Variants in MACROD2 observed in about 807,000 individuals in gnomAD.
MACROD2 encodes the protein mono-ADP ribosylhydrolase 2, also known as ADP-ribose glycohydrolase MACROD2.
MACROD2 carries 36 observed loss-of-function variants against 70.4 expected under a neutral mutation model. The ratio of observed to expected loss-of-function variants is 0.51; its 90% CI spans 0.39 to 0.68. MACROD2 has a LOEUF of 0.68. Ranked by LOEUF, MACROD2 falls within the 30% of genes least tolerant of loss-of-function variation. The pLI is 0.00. For synonymous variants in MACROD2, 172 were observed against 178.8 expected, an observed-to-expected ratio of 0.96 and a Z score of 0.30; for missense variants, 496 against 538.4, an observed-to-expected ratio of 0.92 and a Z score of 0.78.
At chr20:15,156,731 C>A (rs984905456) in intron 5 of MACROD2, among the ~76,000 whole-genome samples, 2 of 152,118 alleles carry the variant, frequency 1.3e-5, no homozygotes, top group Admixed American at 6.6e-5. Flanking sequence ...AGTCAAGGGT[C>A]TTCAGAGGAA....
intron 6 of MACROD2, among the ~76,000 whole-genome samples, chr20:15,317,665 C>T (rs2077828178): frequency 6.6e-6 from 1 of 151,884 alleles, no homozygotes; most frequent in Non-Finnish European, 1.5e-5. Flanking sequence ...GTCTGGCAGG[C>T]TTCAGACTCA....
intron 4 of MACROD2, among the ~76,000 whole-genome samples, chr20:14,658,290 G>T (rs1420903544): frequency 1.3e-5 from 2 of 152,110 alleles, no homozygotes; most frequent in African/African-American, 4.8e-5. Context: ...ATCAGGTTTA[G>T]CCATAGCATG....
At chr20:15,488,298 G>A (rs2047186310) in intron 7 of MACROD2, among the ~76,000 whole-genome samples, 2 of 152,156 alleles carry the variant, frequency 1.3e-5, no homozygotes, top group African/African-American at 4.8e-5. Context: ...AATCACTGCA[G>A]GATGCTAGGC....
At chr20:15,524,919 A>C (rs1031466393) in intron 8 of MACROD2, among the ~76,000 whole-genome samples, 2 of 152,218 alleles carry the variant, frequency 1.3e-5, no homozygotes, top group African/African-American at 2.4e-5. Flanking sequence ...CTGAGGTTCT[A>C]CTGAATAGTC....
At chr20:14,797,108 G>A (rs1319517151) in intron 5 of MACROD2, among the ~76,000 whole-genome samples, 4 of 151,824 alleles carry the variant, frequency 2.6e-5, no homozygotes, top group South Asian at 2.1e-4. Flanking sequence ...CAGTCTGTCC[G>A]TGTTACTCTC....
intron 3 of MACROD2, among the ~76,000 whole-genome samples, chr20:14,402,155 A>C (rs2083644350): frequency 6.6e-6 from 1 of 152,184 alleles, no homozygotes; most frequent in African/African-American, 2.4e-5. Flanking sequence ...TCTCATGCTC[A>C]GTGTCTTCTG....
At chr20:15,561,004 A>G (rs2146606628) in intron 8 of MACROD2, among the ~76,000 whole-genome samples, 1 of 152,232 alleles carries the variant, frequency 6.6e-6, no homozygotes, top group African/African-American at 2.4e-5. Flanking sequence ...TTGCCCAAAC[A>G]AAGGAGAAAT....
chr20:16,020,928 A>G (rs2066993061), intron 15 of MACROD2, among the ~76,000 whole-genome samples: 1 of 152,198 alleles, frequency 6.6e-6, no homozygotes, highest in Admixed American at 6.5e-5. Flanking sequence ...AAGGAAGCAC[A>G]GTGTTTGAAG....
intron 15 of MACROD2, among the ~76,000 whole-genome samples, chr20:16,036,114 T>C (rs1257742245): frequency 2.0e-5 from 3 of 152,030 alleles, no homozygotes; most frequent in Non-Finnish European, 4.4e-5. Flanking sequence ...TTGCTTTCGG[T>C]TGATACCACT....
At chr20:15,566,651 G>A (rs995453164) in intron 8 of MACROD2, among the ~76,000 whole-genome samples, 3 of 152,144 alleles carry the variant, frequency 2.0e-5, no homozygotes, top group Non-Finnish European at 2.9e-5. Context: ...AAAAGAAGAA[G>A]AAAAGCTCTT....
At chr20:14,977,203 T>C (rs1400846394) in intron 5 of MACROD2, among the ~76,000 whole-genome samples, 1 of 151,836 alleles carries the variant, frequency 6.6e-6, no homozygotes, top group African/African-American at 2.4e-5. Context: ...GTAATCATAA[T>C]AACCTTCCCT....
intron 4 of MACROD2, among the ~76,000 whole-genome samples, chr20:14,683,806 C>G (rs981303741): frequency 1.3e-5 from 2 of 152,100 alleles, no homozygotes; most frequent in Non-Finnish European, 2.9e-5. Flanking sequence ...AATATTCTAT[C>G]TATTTTCACA....
chr20:14,310,514 A>G (rs999405840), intron 3 of MACROD2, among the ~76,000 whole-genome samples: 1 of 152,206 alleles, frequency 6.6e-6, no homozygotes, highest in Middle Eastern at 3.2e-3. Flanking sequence ...CAAACCTACC[A>G]TGCTGCCAGG....
chr20:14,375,121 T>G (rs995898555), intron 3 of MACROD2, among the ~76,000 whole-genome samples: 1 of 152,116 alleles, frequency 6.6e-6, no homozygotes, highest in Non-Finnish European at 1.5e-5. Context: ...AAAGAAACTA[T>G]TTTACAGTGA....
intron 4 of MACROD2, among the ~76,000 whole-genome samples, chr20:14,544,185 T>C (rs1287022739): frequency 6.6e-6 from 1 of 152,160 alleles, no homozygotes; most frequent in Non-Finnish European, 1.5e-5. Flanking sequence ...GATAAATATA[T>C]TCTTGGATAT....
At chr20:15,698,365 T>C (rs6043456) in intron 8 of MACROD2, among the ~76,000 whole-genome samples, 32,018 of 152,128 alleles carry the variant, frequency 0.21, 4,730 homozygotes, top group African/African-American at 0.42. Flanking sequence ...AATTCTTGAC[T>C]GATAATTGTT....
intron 8 of MACROD2, among the ~76,000 whole-genome samples, chr20:15,818,787 G>A (rs1225769977): frequency 6.6e-6 from 1 of 152,114 alleles, no homozygotes; most frequent in Non-Finnish European, 1.5e-5. Context: ...AGTGCCCTGT[G>A]CTAATAGATT....
chr20:14,945,245 G>A (rs569736756), intron 5 of MACROD2, among the ~76,000 whole-genome samples: 19 of 152,012 alleles, frequency 1.2e-4, no homozygotes, highest in African/African-American at 4.6e-4. Flanking sequence ...AGCCTCCCAA[G>A]TAGCTGGGAT....
intron 15 of MACROD2, among the ~76,000 whole-genome samples, chr20:16,013,805 A>G (rs1413386215): frequency 1.3e-5 from 2 of 152,246 alleles, no homozygotes; most frequent in Non-Finnish European, 2.9e-5. Flanking sequence ...CCATAGCTGT[A>G]AGTAATGGCA....
Sources: allele counts gnomAD v4.1 joint callset (sites outside exome capture counted in the v4.1 genomes callset), GRCh38; gene constraint gnomAD v4.1.1; transcripts MANE v1.5; gene names NCBI Gene and HGNC (gene_info 2026-07-23, HGNC 2026-07-21).